Variants in MGAT5 observed in about 807,000 individuals in gnomAD.
MGAT5 encodes alpha-1,6-mannosylglycoprotein 6-beta-N-acetylglucosaminyltransferase A.
In MGAT5, 30 loss-of-function variants were observed where a neutral mutation model predicts 94.3. The observed-to-expected ratio is 0.32, with a 90% CI of 0.24 to 0.43. The LOEUF (loss-of-function observed/expected upper bound fraction) is 0.43, where lower values mean the gene tolerates loss of function less well. MGAT5 is among the 20% of genes least tolerant of loss of function. MGAT5 has a pLI of 1.00. For synonymous variants in MGAT5, 310 were observed against 322.9 expected (o/e 0.96, Z 0.43); for missense variants, 691 against 905.5 (o/e 0.76, Z 3.04).
intron 1 of MGAT5, among the ~76,000 whole-genome samples, chr2:134,121,659 T>A (rs554627660): frequency 6.6e-6 from 1 of 152,310 alleles, no homozygotes; most frequent in East Asian, 1.9e-4. Context: ...GTCTGTGACG[T>A]TGGGAAGGGG....
chr2:134,273,346 G>A (rs551837852), intron 2 of MGAT5, among the ~76,000 whole-genome samples: 10 of 152,158 alleles, frequency 6.6e-5, no homozygotes, highest in Non-Finnish European at 1.2e-4. Flanking sequence ...TGAGCTGTGA[G>A]AGTTCAGTTT....
intron 1 of MGAT5, among the ~76,000 whole-genome samples, chr2:134,178,088 T>C (rs72843958): frequency 0.018 from 2,735 of 152,084 alleles, 36 homozygotes; most frequent in Non-Finnish European, 0.027. Flanking sequence ...TTTTGTTTTG[T>C]TTTTTTCTCT....
intron 1 of MGAT5, among the ~76,000 whole-genome samples, chr2:134,185,551 C>A (rs113486865): frequency 2.6e-5 from 4 of 152,016 alleles, no homozygotes; most frequent in African/African-American, 7.3e-5. Flanking sequence ...CAACAAGGGC[C>A]CTGTATGTTG....
chr2:134,313,186 G>A (rs534858719), intron 2 of MGAT5, among the ~76,000 whole-genome samples: 315 of 152,020 alleles, frequency 2.1e-3, no homozygotes, highest in Non-Finnish European at 3.7e-3. Context: ...CTCTCGATAC[G>A]TGTGTGTCTG....
chr2:134,246,845 A>G (rs138752993), intron 1 of MGAT5, among the ~76,000 whole-genome samples: 1,749 of 152,344 alleles, frequency 0.011, 41 homozygotes, highest in African/African-American at 0.039. Flanking sequence ...GAGGGTTTGC[A>G]TTTGATATTT....
At chr2:134,248,780 A>G (rs914524327) in intron 1 of MGAT5, among the ~76,000 whole-genome samples, 46 of 152,224 alleles carry the variant, frequency 3.0e-4, no homozygotes, top group African/African-American at 1.0e-3. Flanking sequence ...TTGCTTCTGA[A>G]GGGATGGGCA....
rs1687055140 is a variant in MGAT5, at chr2:134,149,049, GCCA to G, written c.-143+28761_-143+28763del. Among the ~76,000 whole-genome samples the G allele has an allele frequency of 2.0e-5, 3 of 152,120 alleles. No individual in the cohort carries two copies. The South Asian group carries it at 6.2e-4, about 32-fold the overall frequency. ...CAAAGTGCTGGGATTACAGCCGTGA[GCCA>G]CCGTGCCCAGCCTGGTGTTTATGAT... On this transcript the variant is annotated intron_variant, in intron 1 of 16. Coordinates refer to the MGAT5 transcript ENST00000409645.
chr2:134,229,720 A>G (rs1176275977), intron 1 of MGAT5, among the ~76,000 whole-genome samples: 1 of 152,242 alleles, frequency 6.6e-6, no homozygotes, highest in Non-Finnish European at 1.5e-5. Flanking sequence ...TCGAAAACAG[A>G]ACATTCATAA....
At chr2:134,245,285 A>C (rs1298109765) in intron 1 of MGAT5, among the ~76,000 whole-genome samples, 2 of 152,238 alleles carry the variant, frequency 1.3e-5, no homozygotes, top group South Asian at 4.1e-4. Flanking sequence ...TGCGGATTAC[A>C]GGCGTGAGCC....
chr2:134,193,510 T>G (rs1204494208), intron 1 of MGAT5, among the ~76,000 whole-genome samples: 2 of 152,306 alleles, frequency 1.3e-5, no homozygotes, highest in South Asian at 2.1e-4. Flanking sequence ...TAGCTGGCTC[T>G]TCACACAGCA....
intron 15 of MGAT5, among the ~76,000 whole-genome samples, chr2:134,445,099 T>G (rs1452379633): frequency 2.0e-5 from 3 of 152,200 alleles, no homozygotes; most frequent in Non-Finnish European, 4.4e-5. Context: ...TATTGGCAAC[T>G]GGGGTTGCTC....
intron 1 of MGAT5, among the ~76,000 whole-genome samples, chr2:134,189,603 T>TTTTTTTTTTTTG (rs1689245790): frequency 1.7e-5 from 1 of 57,540 alleles, no homozygotes; most frequent in African/African-American, 1.1e-4. Context: ...TTTTTTTTTG[T>TTTTTTTTTTTTG]TTTTTTTTTT....
intron 1 of MGAT5, among the ~76,000 whole-genome samples, chr2:134,178,898 A>G (rs1055997742): frequency 2.0e-5 from 3 of 152,126 alleles, no homozygotes; most frequent in Non-Finnish European, 4.4e-5. Flanking sequence ...TAATTCATTG[A>G]CTCATCAAAG....
intron 1 of MGAT5, among the ~76,000 whole-genome samples, chr2:134,151,637 G>C (rs1451569235): frequency 5.5e-4 from 32 of 58,244 alleles, no homozygotes; most frequent in African/African-American, 4.5e-4. Flanking sequence ...CCCTATGGGA[G>C]CCTCCCACTG....
intron 11 of MGAT5, among the ~76,000 whole-genome samples, chr2:134,406,539 C>T (rs1574032416): frequency 6.6e-6 from 1 of 151,814 alleles, no homozygotes; most frequent in East Asian, 1.9e-4. Context: ...GCCACCCTGC[C>T]CCCCACCAAC....
chr2:134,428,104 C>A (rs1684686160), intron 13 of MGAT5, among the ~76,000 whole-genome samples: 1 of 152,246 alleles, frequency 6.6e-6, no homozygotes, highest in Non-Finnish European at 1.5e-5. Flanking sequence ...CCCAGATAAT[C>A]TTTGCAGCTT....
Position 134,165,484 on chromosome 2 carries a change from A to G in MGAT5, c.-143+45193A>G, listed in dbSNP as rs377064960. On this transcript the variant is annotated intron_variant, in intron 1 of 16. Coordinates refer to the MGAT5 transcript ENST00000409645. The stretch of plus-strand genomic sequence containing the variant: ...TCATAGCATTCAGGTCTTCTAAAAA[A>G]ATTATCCAGGGCCGGGCGCGGTGGC... Among the ~76,000 whole-genome samples the G allele has an allele frequency of 2.6e-4, 40 of 152,260 alleles. No homozygotes were observed. In the South Asian group the frequency reaches 7.9e-3, roughly 30 times the overall value.
chr2:134,333,171 C>A (rs1688089823), intron 4 of MGAT5, among the ~76,000 whole-genome samples: 1 of 152,054 alleles, frequency 6.6e-6, no homozygotes, highest in African/African-American at 2.4e-5. Context: ...ATAGCAAAGA[C>A]TTGGAACCAA....
chr2:134,166,942 T>C (rs1687989562), intron 1 of MGAT5, among the ~76,000 whole-genome samples: 2 of 152,222 alleles, frequency 1.3e-5, no homozygotes, highest in Admixed American at 1.3e-4. Flanking sequence ...GAAAAAGGTT[T>C]GCCCAAAGAC....
Sources: gnomAD v4.1 joint callset for allele counts (sites outside exome capture counted in the v4.1 genomes callset) on GRCh38, gnomAD v4.1.1 for gene constraint, MANE v1.5 for transcripts, NCBI Gene and HGNC (gene_info 2026-07-23, HGNC 2026-07-21) for gene names.